USP25: variants seen among roughly 807,000 people sequenced by gnomAD.
The protein encoded by USP25 is ubiquitin specific peptidase 25, also known as ubiquitin carboxyl-terminal hydrolase 25.
USP25 carries 85 observed loss-of-function variants against 158.5 expected under a neutral mutation model. The observed-to-expected ratio is 0.54, with a 90% CI of 0.45 to 0.64. The LOEUF is 0.64. USP25 is among the 30% of genes least tolerant of loss of function. The pLI, the probability that USP25 is intolerant of heterozygous loss-of-function variation, is 0.00. For missense variants in USP25, 1,242 were observed against 1,327.3 expected (o/e 0.94, Z 1.00); for synonymous variants, 464 against 460.4 (o/e 1.01, Z -0.10).
intron 20 of USP25, among the ~76,000 whole-genome samples, chr21:15,856,617 G>A (rs1007635123): frequency 6.6e-6 from 1 of 152,076 alleles, no homozygotes; most frequent in Non-Finnish European, 1.5e-5. Context: ...GACTACAGGT[G>A]CCCGCTACCA....
At chr21:15,874,648 T>C (rs1361571974) in intron 24 of USP25, 122 bp downstream of exon 24, 1 of 1,009,342 alleles carries the variant, frequency 9.9e-7, no homozygotes. Context: ...ATGATGTCTA[T>C]AAACTGGTTC....
chr21:15,848,451 T>G (rs1388818656), intron 19 of USP25, among the ~76,000 whole-genome samples: 2 of 152,150 alleles, frequency 1.3e-5, no homozygotes, highest in African/African-American at 4.8e-5. Context: ...TTTTCCACTT[T>G]TCTCTTGAGA....
At chr21:15,730,988 T>G (rs1228040109) in intron 1 of USP25, among the ~76,000 whole-genome samples, 1 of 142,442 alleles carries the variant, frequency 7.0e-6, no homozygotes, top group African/African-American at 2.7e-5. Flanking sequence ...TTTTTTTTTT[T>G]TTTTTTTTTT....
intron 9 of USP25, among the ~76,000 whole-genome samples, chr21:15,818,284 A>T (rs1388180871): frequency 3.9e-5 from 6 of 152,134 alleles, no homozygotes; most frequent in African/African-American, 1.2e-4. Context: ...TTGTAATATA[A>T]TTATTTGTAA....
chr21:15,781,284 A>C (rs1279976003), intron 4 of USP25, among the ~76,000 whole-genome samples: 1 of 152,186 alleles, frequency 6.6e-6, no homozygotes, highest in Non-Finnish European at 1.5e-5. Context: ...AGAAACGTAG[A>C]GTTCCTTAAT....
At chr21:15,789,756 TTG>T (rs1415794191) in intron 4 of USP25, among the ~76,000 whole-genome samples, 28 of 152,062 alleles carry the variant, frequency 1.8e-4, no homozygotes, top group South Asian at 1.2e-3. Context: ...ACAAATAAGT[TTG>T]CTGTATCTCA....
At chr21:15,878,186 C>T in intron 25 of USP25, 117 bp from the exon 26 acceptor site, 1 of 1,356,096 alleles carries the variant, frequency 7.4e-7, no homozygotes, top group South Asian at 1.6e-5. Context: ...ATGTTTTTGT[C>T]TCCCCAAAAT....
rs376706426 is a variant in USP25 at position 15,764,852 on chromosome 21, CT to C, written c.124-1141del. Among the ~76,000 whole-genome samples, 311 of 152,172 alleles carry C rather than the reference CT, an allele frequency of 2.0e-3. 1 individual carries two copies. Among genetic ancestry groups the C allele is most frequent in the Middle Eastern group, 0.014 (4 of 294 alleles). On this transcript the variant is annotated intron_variant, in intron 2 of 25. Coordinates refer to ENST00000400183, the MANE Select transcript of USP25 (RefSeq NM_001283041.3). The stretch of plus-strand genomic sequence containing the variant: ...TGCCTTTGAAACTGCATCCTTACTC[CT>C]TTTGTCACTGACTGCTACAACTGGA...
Position 15,864,351 on chromosome 21 carries a change from A to G in USP25, c.2631A>G (p.Val877=), listed in dbSNP as rs747552036. The G allele has an allele frequency of 6.2e-7, 1 of 1,613,726 alleles. No homozygotes were observed. Among genetic ancestry groups the G allele is most frequent in the Non-Finnish European group, 8.5e-7 (1 of 1,179,886 alleles). The change falls in exon 21 of 26, where the codon GTA becomes GTG. Residue 877 remains valine, a synonymous_variant. Coordinates refer to ENST00000400183, the MANE Select transcript of USP25 (RefSeq NM_001283041.3). ...PPETDYRLHH[V]VVYFIQNQAP... The stretch of plus-strand genomic sequence containing the variant: ...AAACCGATTATCGTTTACATCATGT[A>G]GTGGTCTACTTTATCCAGAACCAGG...
chr21:15,838,341 A>G (rs1456915411), intron 17 of USP25, among the ~76,000 whole-genome samples: 2 of 152,140 alleles, frequency 1.3e-5, no homozygotes, highest in East Asian at 3.9e-4. Flanking sequence ...ATTTCCAATA[A>G]TGAATTTCTT....
In USP25 at chr21:15,875,731, A is replaced by T. The variant is rs1427032314; in HGVS notation, c.3009+1205A>T. 6.6e-6 allele frequency among the ~76,000 whole-genome samples: 1 copy of T among 152,234 alleles called. No homozygotes were observed. The highest frequency in any genetic ancestry group is 1.5e-5 in the Non-Finnish European group (1 of 68,042). ...CAAGATAAATTCACTGTGGCTATCC[A>T]GGTTATGAGGAAGTGGGGTAAGGTG... On this transcript the variant is annotated intron_variant, in intron 24 of 25. Coordinates refer to ENST00000400183, the MANE Select transcript of USP25 (RefSeq NM_001283041.3). The surrounding 1 kb of genome is among the most constrained non-coding windows in gnomAD (Gnocchi z 4.7).
At chr21:15,736,914 CTT>C (rs76186194) in intron 1 of USP25, among the ~76,000 whole-genome samples, 2 of 125,442 alleles carry the variant, frequency 1.6e-5, no homozygotes, top group Non-Finnish European at 1.7e-5. Flanking sequence ...TGCCACTCTG[CTT>C]TTTTTTTTTT....
Position 15,874,444 on chromosome 21 carries a change from A to G in USP25, c.2927A>G (p.Asn976Ser). Reference protein sequence around the residue: ...SLLFLICAYQNNKELLSKGLY... With the variant: ...SLLFLICAYQSNKELLSKGLY... ...CTGTTCCTCATCTGTGCTTATCAGA[A>G]TAACAAAGAACTCTTGTCTAAAGGC... Residue 976 changes from asparagine to serine, a missense_variant, in exon 24 of 26, where the codon AAT (asparagine) becomes AGT (serine). Physicochemically the swap from Asn to Ser is conservative, Grantham distance 46. Coordinates refer to ENST00000400183, the MANE Select transcript of USP25 (RefSeq NM_001283041.3). 8 of 1,611,010 alleles carry G rather than the reference A, an allele frequency of 5.0e-6. No individual in the cohort carries two copies. The highest frequency in any genetic ancestry group is 6.8e-6 in the Non-Finnish European group (8 of 1,178,240).
intron 16 of USP25, among the ~76,000 whole-genome samples, chr21:15,831,975 T>A (rs907856332): frequency 6.6e-6 from 1 of 152,230 alleles, no homozygotes; most frequent in Non-Finnish European, 1.5e-5. Flanking sequence ...CCTTCATTGA[T>A]CACCAGTGTT....
chr21:15,839,595 C>CA (rs1284702823), intron 17 of USP25, among the ~76,000 whole-genome samples: 1 of 152,110 alleles, frequency 6.6e-6, no homozygotes, highest in Non-Finnish European at 1.5e-5. Context: ...CTGAGTAATG[C>CA]AAAGAGTTTT....
At chr21:15,782,189 G>A (rs556739091) in intron 4 of USP25, among the ~76,000 whole-genome samples, 1 of 152,324 alleles carries the variant, frequency 6.6e-6, no homozygotes, top group Admixed American at 6.5e-5. Flanking sequence ...GTGTACATCT[G>A]TCCCTGGCTC....
At chr21:15,803,221 A>C (rs948162247) in intron 6 of USP25, among the ~76,000 whole-genome samples, 2 of 151,824 alleles carry the variant, frequency 1.3e-5, no homozygotes, top group African/African-American at 4.8e-5. Context: ...TTGTACAGAT[A>C]CTTAAAAAGT....
At chr21:15,770,756 C>G (rs907685341) in intron 3 of USP25, among the ~76,000 whole-genome samples, 2 of 152,128 alleles carry the variant, frequency 1.3e-5, no homozygotes, top group Non-Finnish European at 2.9e-5. Context: ...GATCAGTGCA[C>G]ATAATGCTAC....
At chr21:15,772,199 T>C (rs1381962164) in intron 3 of USP25, among the ~76,000 whole-genome samples, 1 of 152,212 alleles carries the variant, frequency 6.6e-6, no homozygotes, top group African/African-American at 2.4e-5. Context: ...ATGACTAGCA[T>C]ATATTTTGGA....
Sources: allele counts gnomAD v4.1 joint callset (sites outside exome capture counted in the v4.1 genomes callset), GRCh38; gene constraint gnomAD v4.1.1; non-coding constraint Gnocchi (gnomAD v3.1); transcripts MANE v1.5; gene names NCBI Gene and HGNC (gene_info 2026-07-23, HGNC 2026-07-21).